The following INVS variants were observed in gnomAD, a reference collection of about 807,000 sequenced individuals.
INVS encodes the protein inversion of embryo turning homolog.
A neutral mutation model predicts 108.8 loss-of-function variants in INVS; 86 were observed. That is an observed-to-expected ratio of 0.79 (90% confidence interval 0.66 to 0.95). The LOEUF (loss-of-function observed/expected upper bound fraction) is 0.95. Ranked by LOEUF, INVS falls within the 40% of genes least tolerant of loss-of-function variation. The probability of loss-of-function intolerance (pLI) is 0.00; values close to 1 mark genes in which losing one functional copy is unlikely to be tolerated. For missense variants in INVS, 1,169 were observed against 1,297.4 expected (o/e 0.90, Z 1.52); for synonymous variants, 455 against 473.5 (o/e 0.96, Z 0.51).
chr9:100,250,876 G>A lies in INVS; in HGVS notation c.1079-1407G>A, dbSNP rs1832210346. On this transcript the variant is annotated intron_variant, in intron 8 of 16. Transcript: ENST00000262457. ...ATCACTGACTGATAGGACCATTTGT[G>A]ATCTGGCCTTTTCTATGTTTCTGAC... Among the ~76,000 whole-genome samples the A allele has an allele frequency of 2.6e-5, 4 of 152,140 alleles. No individual in the cohort carries two copies. The South Asian group carries it at 8.3e-4, about 32-fold the overall frequency.
intron 4 of INVS, among the ~76,000 whole-genome samples, chr9:100,229,103 G>A (rs534705344): frequency 2.0e-5 from 3 of 152,242 alleles, no homozygotes; most frequent in Middle Eastern, 3.4e-3. Context: ...TTGTTCTTAC[G>A]GTAGAGCTTA....
chr9:100,202,021 G>C (rs1212947780), intron 3 of INVS, among the ~76,000 whole-genome samples: 3 of 152,072 alleles, frequency 2.0e-5, no homozygotes, highest in African/African-American at 7.2e-5. Flanking sequence ...AGTCATTAGG[G>C]GGTGCTTTTA....
At chr9:100,100,825 A>G (rs1212882389) in intron 1 of INVS, among the ~76,000 whole-genome samples, 3 of 42,688 alleles carry the variant, frequency 7.0e-5, no homozygotes, top group Non-Finnish European at 1.2e-4. Flanking sequence ...TATATAATAT[A>G]TGTATATATA....
At chr9:100,229,551 A>G (rs1038343795) in intron 4 of INVS, 109 bp from the exon 5 acceptor site, 39 of 903,276 alleles carry the variant, frequency 4.3e-5, no homozygotes, top group East Asian at 1.8e-4. Context: ...AAACAAAGAT[A>G]CAGGGCAACT....
chr9:100,113,050 T>C (rs1827392926), intron 2 of INVS, among the ~76,000 whole-genome samples: 1 of 152,242 alleles, frequency 6.6e-6, no homozygotes, highest in African/African-American at 2.4e-5. Context: ...ATATTCTCTA[T>C]AAGTATCACT....
chr9:100,202,087 C>G (rs1014640528), intron 3 of INVS, among the ~76,000 whole-genome samples: 10 of 132,200 alleles, frequency 7.6e-5, no homozygotes, highest in African/African-American at 3.0e-4. Flanking sequence ...GCAGTTATTA[C>G]AATAGTTTTT....
intron 5 of INVS, among the ~76,000 whole-genome samples, chr9:100,237,530 C>G (rs142855738): frequency 1.3e-5 from 2 of 152,038 alleles, no homozygotes; most frequent in African/African-American, 4.8e-5. Flanking sequence ...TTCTAAAAAC[C>G]GTGAAAAAAG....
At chr9:100,258,200 A>G (rs1315268307) in intron 10 of INVS, among the ~76,000 whole-genome samples, 9 of 152,142 alleles carry the variant, frequency 5.9e-5, no homozygotes, top group Non-Finnish European at 1.0e-4. Flanking sequence ...CGAATTGGCT[A>G]CTGAAGCTTG....
At chr9:100,125,629 C>CTA (rs1226639822) in intron 2 of INVS, among the ~76,000 whole-genome samples, 1 of 150,210 alleles carries the variant, frequency 6.7e-6, no homozygotes, top group South Asian at 2.1e-4. Context: ...GATGAGGATG[C>CTA]TATGTACTTG....
chr9:100,163,596 T>C (rs182702043), intron 3 of INVS, among the ~76,000 whole-genome samples: 1 of 152,190 alleles, frequency 6.6e-6, no homozygotes, highest in African/African-American at 2.4e-5. Flanking sequence ...TGGGGATACA[T>C]GCTATGGAAA....
intron 10 of INVS, among the ~76,000 whole-genome samples, chr9:100,257,813 C>T (rs979309653): frequency 5.3e-5 from 8 of 152,164 alleles, no homozygotes; most frequent in African/African-American, 1.2e-4. Context: ...GTGGGTAACC[C>T]GACCTATCTC....
intron 2 of INVS, among the ~76,000 whole-genome samples, chr9:100,124,731 T>G (rs1827832663): frequency 6.6e-6 from 1 of 152,218 alleles, no homozygotes; most frequent in South Asian, 2.1e-4. Flanking sequence ...TATATCTGTG[T>G]CATCACAGTG....
chr9:100,300,699 CG>C lies in INVS; in HGVS notation c.*30del. ...ACTGCCTATGGAGGAAGACTGTGTTCGGGGGAGCTGGCATAGCTAGTGCAGA... is the reference window on the plus strand; with the variant it reads ...ACTGCCTATGGAGGAAGACTGTGTTCGGGGAGCTGGCATAGCTAGTGCAGA... On this transcript the variant is annotated 3_prime_UTR_variant, in exon 17 of 17. Coordinates refer to ENST00000262457, the MANE Select transcript of INVS (RefSeq NM_014425.5). 6.6e-7 allele frequency: 1 copy of C among 1,513,756 alleles called. No individual in the cohort carries two copies. The highest frequency in any genetic ancestry group is 1.7e-4 in the Middle Eastern group (1 of 5,900). 93.8% of individuals were successfully genotyped at this position (1,513,756 alleles called of 1,614,324 possible).
chr9:100,101,577 G>A (rs1826994487), intron 1 of INVS: 1 of 152,164 alleles, frequency 6.6e-6, no homozygotes, highest in African/African-American at 2.4e-5. Flanking sequence ...GACGTAAGGA[G>A]CTGTGCTTTA....
rs2118807826 is a variant in INVS, at chr9:100,302,097, C to T, written c.*1423C>T. On this transcript the variant is annotated 3_prime_UTR_variant, in exon 17 of 17. Transcript: ENST00000262457. ...AGGTTCGTAAACTTCTTTAAAAGTT[C>T]AGCTTTAATGACAAAGATCTATTAC... 1 of 727,902 alleles carries T rather than the reference C, an allele frequency of 1.4e-6. No homozygotes were observed. Among genetic ancestry groups the T allele is most frequent in the South Asian group, 3.3e-5 (1 of 30,608 alleles). The allele number at this position is 727,902 out of a possible 1,614,324, so 45.1% of individuals were successfully genotyped here. A position where few individuals can be genotyped will look rare whatever the true frequency, so the allele number is the denominator to read the frequency against.
chr9:100,229,977 G>C (rs754917725), intron 5 of INVS, 150 bp downstream of exon 5: 22 of 737,054 alleles, frequency 3.0e-5, no homozygotes, highest in Non-Finnish European at 4.9e-5. Context: ...CCAAGAAGTA[G>C]AACATTTCAG....
At chr9:100,203,453 C>G (rs1224678731) in intron 3 of INVS, among the ~76,000 whole-genome samples, 1 of 149,634 alleles carries the variant, frequency 6.7e-6, no homozygotes, top group Non-Finnish European at 1.5e-5. Flanking sequence ...ATTATAAAAG[C>G]TAAAATGAAC....
chr9:100,169,042 G>GA (rs546562535), intron 3 of INVS, among the ~76,000 whole-genome samples: 3 of 152,046 alleles, frequency 2.0e-5, no homozygotes, highest in Non-Finnish European at 4.4e-5. Flanking sequence ...ACTATTAATA[G>GA]AAAAAATAAG....
At chr9:100,100,972 AT>A (rs1339238486) in intron 1 of INVS, among the ~76,000 whole-genome samples, 822 of 68,396 alleles carry the variant, frequency 0.012, 59 homozygotes, top group African/African-American at 0.044. Context: ...TATAATATAT[AT>A]TATATATATA....
Sources: allele counts gnomAD v4.1 joint callset (sites outside exome capture counted in the v4.1 genomes callset), GRCh38; gene constraint gnomAD v4.1.1; transcripts MANE v1.5; gene names NCBI Gene and HGNC (gene_info 2026-07-23, HGNC 2026-07-21).